Variants in MYO18A observed in about 807,000 individuals in gnomAD.
MYO18A encodes the protein myosin XVIIIA, also known as unconventional myosin-XVIIIa.
A neutral mutation model predicts 235.8 loss-of-function variants in MYO18A; 78 were observed. The ratio of observed to expected loss-of-function variants is 0.33; its 90% CI spans 0.28 to 0.40. The LOEUF (loss-of-function observed/expected upper bound fraction) is 0.40, where lower values mean the gene tolerates loss of function less well. Among genes scored for constraint, MYO18A ranks in the 10% least tolerant of loss-of-function variants. The pLI, the probability that MYO18A is intolerant of heterozygous loss-of-function variation, is 1.00. For synonymous variants in MYO18A, 977 were observed against 1,077.8 expected, an observed-to-expected ratio of 0.91 and a Z score of 1.83; for missense variants, 2,215 against 2,699.3, an observed-to-expected ratio of 0.82 and a Z score of 3.98.
intron 1 of MYO18A, 60 bp from the exon 2 acceptor site, chr17:29,167,081 TC>T: frequency 8.0e-7 from 1 of 1,242,430 alleles, no homozygotes; most frequent in Non-Finnish European, 1.1e-6. Context: ...GTGTCTCCAG[TC>T]CAGACATAAC....
At chr17:29,097,712 G>A in intron 26 of MYO18A, 76 bp downstream of exon 26, 1 of 1,290,954 alleles carries the variant, frequency 7.7e-7, no homozygotes. Flanking sequence ...CCTGGACAAG[G>A]GGCATGACTA....
chr17:29,149,704 T>G (rs1464135467), intron 2 of MYO18A, among the ~76,000 whole-genome samples: 2 of 152,340 alleles, frequency 1.3e-5, no homozygotes, highest in East Asian at 3.9e-4. Flanking sequence ...CTCTGAGGTC[T>G]CTCAGCTGCT....
rs867503358 is a variant in MYO18A, at chr17:29,080,657, A to C, written c.6020+1659T>G. ...CCAGAGCCCCGCCGCGTGGCCGAGG[A>C]GGCCCGGCTGACCGGTGCAGAGACG... On this transcript the variant is annotated intron_variant, in intron 41 of 41. Coordinates refer to ENST00000527372, the MANE Select transcript of MYO18A (RefSeq NM_078471.4). 81 of 985,578 alleles carry C rather than the reference A, an allele frequency of 8.2e-5. No homozygotes were observed. In the Middle Eastern group the frequency reaches 2.1e-3, roughly 25 times the overall value. The allele number at this position is 985,578 out of a possible 1,614,324, so 61.1% of individuals were successfully genotyped here.
rs2068272896 is a variant in MYO18A at position 29,165,970 on chromosome 17, C to A, written c.971G>T (p.Gly324Val). The A allele has an allele frequency of 1.2e-6, 2 of 1,613,170 alleles. No individual in the cohort carries two copies. Among genetic ancestry groups the A allele is most frequent in the South Asian group, 1.1e-5 (1 of 91,078 alleles). ...GGATGGCTCCCTGCGAGGTCCCTCGCCGCTCCGCAGCCAGCTCCTGCTGAG... is the reference window on the plus strand; with the variant it reads ...GGATGGCTCCCTGCGAGGTCCCTCGACGCTCCGCAGCCAGCTCCTGCTGAG... ...SELSRSWLRSGEGPRREPSDA... is the reference protein window; with the variant it reads ...SELSRSWLRSVEGPRREPSDA... Residue 324 changes from glycine (G) to valine (V), a missense_variant, in exon 2 of 42, where the codon GGC becomes GTC. By Grantham distance (109) the Gly-to-Val change is moderately radical (BLOSUM62 -3). Transcript: ENST00000527372.
chr17:29,137,926 C>CA (rs139151161), intron 2 of MYO18A, among the ~76,000 whole-genome samples: 5,883 of 149,726 alleles, frequency 0.039, 198 homozygotes, highest in East Asian at 0.18. Flanking sequence ...GCTAAATAGT[C>CA]AAAAAAAAAG....
intron 41 of MYO18A, among the ~76,000 whole-genome samples, chr17:29,081,829 G>T (rs1174883181): frequency 6.6e-6 from 1 of 152,166 alleles, no homozygotes; most frequent in Non-Finnish European, 1.5e-5. Context: ...TGGGGGCAGT[G>T]AAGAGATTAG....
chr17:29,116,613 G>GCACGCACACACACACACA (rs1555532995), intron 10 of MYO18A, among the ~76,000 whole-genome samples, 158 bp from the exon 11 acceptor site: 2 of 144,806 alleles, frequency 1.4e-5, no homozygotes, highest in African/African-American at 2.6e-5. Flanking sequence ...TGGGACAAAC[G>GCACGCACACACACACACA]CACACACACA....
chr17:29,139,553 C>T (rs376772726), intron 2 of MYO18A, among the ~76,000 whole-genome samples: 6 of 152,126 alleles, frequency 3.9e-5, no homozygotes, highest in Non-Finnish European at 7.4e-5. Context: ...GATGCACCTC[C>T]GCACCAGGCC....
At chr17:29,099,141 CA>C (rs1481250993) in intron 22 of MYO18A, among the ~76,000 whole-genome samples, 172 bp from the exon 23 acceptor site, 1 of 152,202 alleles carries the variant, frequency 6.6e-6, no homozygotes, top group East Asian at 1.9e-4. Context: ...CTCCGTCCCT[CA>C]AAGGGTGGGC....
intron 2 of MYO18A, among the ~76,000 whole-genome samples, chr17:29,143,177 G>A (rs1598372777): frequency 6.6e-6 from 1 of 152,130 alleles, no homozygotes; most frequent in Non-Finnish European, 1.5e-5. Context: ...TTATTACATG[G>A]GTTAAAAGAA....
At chr17:29,110,140 G>A in intron 18 of MYO18A, 39 bp from the exon 19 acceptor site, 1 of 1,595,382 alleles carries the variant, frequency 6.3e-7, no homozygotes, top group Non-Finnish European at 8.5e-7. Context: ...GGGCTCTGAT[G>A]GCCTGTGCTC....
rs1365575463 is a variant in MYO18A, at chr17:29,115,112, A to G, written c.2319-13T>C. On this transcript the variant is annotated splice_polypyrimidine_tract_variant and intron_variant, in intron 13 of 41. Transcript: ENST00000527372. The stretch of plus-strand genomic sequence containing the variant: ...GGACTTGAGAGCCCTGGATAGGGAC[A>G]GCCTGGGTCAGAGCCTCGCTGGTTG... 10 of 1,604,578 alleles carry G rather than the reference A, an allele frequency of 6.2e-6. No homozygotes were observed. The highest frequency in any genetic ancestry group is 8.5e-6 in the Non-Finnish European group (10 of 1,174,048).
intron 2 of MYO18A, among the ~76,000 whole-genome samples, chr17:29,145,107 T>A (rs1240770594): frequency 1.8e-4 from 28 of 152,214 alleles, no homozygotes; most frequent in Non-Finnish European, 1.5e-5. Context: ...ATAACTAATG[T>A]TCTGAATGAT....
At chr17:29,090,749 T>G in intron 35 of MYO18A, 61 bp downstream of exon 35, 29 of 1,553,778 alleles carry the variant, frequency 1.9e-5, no homozygotes, top group Admixed American at 5.0e-5. Context: ...GGGGGACCCA[T>G]GAGGAGGACC....
intron 1 of MYO18A, among the ~76,000 whole-genome samples, chr17:29,169,711 T>C: frequency 6.6e-6 from 1 of 152,132 alleles, no homozygotes; most frequent in East Asian, 1.9e-4. Context: ...AAATCCACCT[T>C]GGGGACTTGG....
intron 41 of MYO18A, chr17:29,080,681 C>T (rs990315564): frequency 2.0e-5 from 20 of 985,324 alleles, no homozygotes; most frequent in Non-Finnish European, 2.4e-5. Flanking sequence ...GGTGCAGAGA[C>T]GGTGGAGGCC....
chr17:29,133,271 G>A (rs1466337254), intron 2 of MYO18A, among the ~76,000 whole-genome samples: 4 of 152,356 alleles, frequency 2.6e-5, no homozygotes, highest in Admixed American at 2.0e-4. Flanking sequence ...GGCTCTGGCT[G>A]TTGTAGGTCA....
At chr17:29,110,311 T>G (rs565635531) in intron 18 of MYO18A, 125 bp downstream of exon 18, 32 of 1,298,646 alleles carry the variant, frequency 2.5e-5, no homozygotes, top group Non-Finnish European at 2.9e-5. Context: ...CCTGCAGCCA[T>G]TGAGTCACAG....
chr17:29,108,709 G>A (rs549988504), intron 19 of MYO18A, among the ~76,000 whole-genome samples: 1 of 152,242 alleles, frequency 6.6e-6, no homozygotes, highest in Non-Finnish European at 1.5e-5. Flanking sequence ...GCTGCTGAGG[G>A]GCCAAGACAA....
Sources: gnomAD v4.1 joint callset for allele counts (sites outside exome capture counted in the v4.1 genomes callset) on GRCh38, gnomAD v4.1.1 for gene constraint, MANE v1.5 for transcripts, NCBI Gene and HGNC (gene_info 2026-07-23, HGNC 2026-07-21) for gene names.